Variants in HOXB3 observed in about 807,000 individuals in gnomAD.
HOXB3 encodes homeobox protein Hox-B3.
HOXB3 carries 17 observed loss-of-function variants against 29.2 expected under a neutral mutation model. The observed-to-expected ratio is 0.58, with a 90% confidence interval of 0.40 to 0.87. The LOEUF is 0.87. Among genes scored for constraint, HOXB3 ranks in the 40% least tolerant of loss-of-function variants. HOXB3 has a pLI of 0.00. For synonymous variants in HOXB3, 317 were observed against 285.9 expected (o/e 1.11, Z -1.10); for missense variants, 637 against 616.3 (o/e 1.03, Z -0.35).
At chr17:48,556,358 C>G (rs1410915218) in intron 2 of HOXB3, 1 of 152,182 alleles carries the variant, frequency 6.6e-6, no homozygotes, top group African/African-American at 2.4e-5. Context: ...CCCCTCTGCA[C>G]TCATTCGCAA....
intron 2 of HOXB3, among the ~76,000 whole-genome samples, chr17:48,571,449 G>GA (rs1171569015): frequency 6.6e-6 from 1 of 152,240 alleles, no homozygotes; most frequent in Non-Finnish European, 1.5e-5. Flanking sequence ...GAACTGGGGA[G>GA]AAAGAGGGAA....
chr17:48,583,357 G>A (rs919455842), intron 1 of HOXB3, among the ~76,000 whole-genome samples: 5 of 152,168 alleles, frequency 3.3e-5, no homozygotes, highest in African/African-American at 1.2e-4. Context: ...CACACAAGGA[G>A]GTTCAGGAGC....
intron 1 of HOXB3, among the ~76,000 whole-genome samples, chr17:48,577,240 G>A (rs972305026): frequency 2.6e-5 from 4 of 152,198 alleles, no homozygotes; most frequent in Non-Finnish European, 5.9e-5. Context: ...CCTTGTTTGG[G>A]TGTGTGGTGG....
chr17:48,578,227 G>A, intron 1 of HOXB3: 2 of 1,613,916 alleles, frequency 1.2e-6, no homozygotes, highest in Non-Finnish European at 1.7e-6. Flanking sequence ...GCGAGTGGTC[G>A]CTGGGTAGGT....
intron 1 of HOXB3, among the ~76,000 whole-genome samples, chr17:48,586,255 A>G (rs1047133230): frequency 1.3e-5 from 2 of 152,254 alleles, no homozygotes; most frequent in African/African-American, 4.8e-5. Context: ...GAGAAACGTT[A>G]AAACTTGGGG....
Position 48,550,410 on chromosome 17 carries a change from T to G in HOXB3, c.1220A>C (p.Tyr407Ser). 1 of 1,613,950 alleles carries G rather than the reference T, an allele frequency of 6.2e-7. No individual in the cohort carries two copies. The highest frequency in any genetic ancestry group is 1.1e-5 in the South Asian group (1 of 91,076). ...CGCGTGGTGAGAGGAGAGGTCTGTG[T>G]AGGTGGGGTGGGGTTCGCAGGGTCC... ...HHGPCEPHPTYTDLSSHHAPP... is the reference protein window; with the variant it reads ...HHGPCEPHPTSTDLSSHHAPP... Residue 407 changes from tyrosine (Y) to serine (S), a missense_variant, in exon 5 of 5, where the codon TAC becomes TCC. Physicochemically the swap from Tyr to Ser is moderately radical, Grantham distance 144 (BLOSUM62 -2). Transcript: ENST00000498678.
Position 48,552,560 on chromosome 17 carries a change from T to C in HOXB3, c.-86A>G. Reference sequence around the variant, plus strand: ...GACATTGGCAACCCTGGGGGTCACGTGACACGCCGGACCCCCCCCCCCCAC... The same window carrying C: ...GACATTGGCAACCCTGGGGGTCACGCGACACGCCGGACCCCCCCCCCCCAC... On this transcript the variant is annotated 5_prime_UTR_variant, in exon 4 of 5. Transcript: ENST00000498678. 1 of 943,358 alleles carries C rather than the reference T, an allele frequency of 1.1e-6. No individual in the cohort carries two copies. The highest frequency in any genetic ancestry group is 1.5e-6 in the Non-Finnish European group (1 of 664,532). 58.4% of individuals were successfully genotyped at this position (943,358 alleles called of 1,614,324 possible).
intron 3 of HOXB3, 178 bp downstream of exon 3, chr17:48,555,353 A>AGAGG: frequency 2.0e-6 from 1 of 493,654 alleles, no homozygotes; most frequent in Admixed American, 3.0e-5. Flanking sequence ...AGAGAGAGAG[A>AGAGG]GAGAGAGAGA....
Position 48,550,530 on chromosome 17 carries a change from C to T in HOXB3, c.1100G>A (p.Gly367Asp). ...GYADPLPPPAGPSLYGLNHLS... is the reference protein window; with the variant it reads ...GYADPLPPPADPSLYGLNHLS... ...GTGGTTGAGGCCATAGAGGGAGGGG[C>T]CGGCAGGGGGCGGCAGCGGATCCGC... Residue 367 changes from glycine to aspartate, a missense_variant, in exon 5 of 5, where the codon GGC becomes GAC. Gly to Asp is a moderately conservative substitution (Grantham distance 94). Coordinates refer to ENST00000498678, the MANE Select transcript of HOXB3 (RefSeq NM_001384749.1). 2.6e-6 allele frequency: 4 copies of T among 1,558,142 alleles called. No homozygotes were observed. Among genetic ancestry groups the T allele is most frequent in the Non-Finnish European group, 3.4e-6 (4 of 1,161,180 alleles).
chr17:48,556,252 C>A (rs531975093), intron 2 of HOXB3, among the ~76,000 whole-genome samples: 2 of 152,004 alleles, frequency 1.3e-5, no homozygotes, highest in African/African-American at 2.4e-5. Context: ...ACAGCTCCCC[C>A]CATACCCCAC....
intron 2 of HOXB3, among the ~76,000 whole-genome samples, chr17:48,566,783 C>G (rs2144833121): frequency 6.6e-6 from 1 of 152,268 alleles, no homozygotes; most frequent in South Asian, 2.1e-4. Flanking sequence ...AGACTTTGCC[C>G]TAACTCTGGA....
rs781293701 is a variant in HOXB3, at chr17:48,552,436, A to G, written c.39T>C (p.Ala13=). 6.3e-7 allele frequency: 1 copy of G among 1,595,988 alleles called. No individual in the cohort carries two copies. Among genetic ancestry groups the G allele is most frequent in the Admixed American group, 1.7e-5 (1 of 59,070 alleles). Residue 13 remains alanine, a synonymous_variant, in exon 4 of 5, where the codon GCT becomes GCC. Coordinates refer to ENST00000498678, the MANE Select transcript of HOXB3 (RefSeq NM_001384749.1). ...GGTACGAGGAATAGCCTCCGAAGAG[A>G]GCAGCCGCGGCGTTGTCGTAGTAGG... ...KATYYDNAAA[A]LFGGYSSYPG... is the part of the protein sequence containing the mutation.
intron 2 of HOXB3, among the ~76,000 whole-genome samples, chr17:48,571,720 A>C (rs1008061409): frequency 6.6e-6 from 1 of 152,180 alleles, no homozygotes; most frequent in Admixed American, 6.5e-5. Flanking sequence ...CATCTCCCTG[A>C]GCCCCATATA....
intron 2 of HOXB3, 41 bp from the exon 3 acceptor site, chr17:48,555,659 G>GTCGCCCC: frequency 2.9e-6 from 2 of 699,314 alleles, no homozygotes; most frequent in East Asian, 2.7e-5. Context: ...TTAAAGCTGC[G>GTCGCCCC]TCGCCCCCCG....
At position 48,549,691 on chromosome 17, in the gene HOXB3, C is replaced by G. The variant is rs1660700591; in HGVS notation, c.*643G>C. ...TAGGCAGCTCTTTCAGGATCTCTCA[C>G]CATCCCTGAGCCCTCTAAAAACTGT... On this transcript the variant is annotated 3_prime_UTR_variant, in exon 5 of 5. Coordinates refer to ENST00000498678, the MANE Select transcript of HOXB3 (RefSeq NM_001384749.1). 6.6e-6 allele frequency: 1 copy of G among 152,534 alleles called. No individual in the cohort carries two copies. The highest frequency in any genetic ancestry group is 1.5e-5 in the Non-Finnish European group (1 of 68,078). 9.4% of individuals were successfully genotyped at this position (152,534 alleles called of 1,614,324 possible).
intron 2 of HOXB3, among the ~76,000 whole-genome samples, chr17:48,569,583 G>T (rs1366749682): frequency 6.6e-6 from 1 of 152,044 alleles, no homozygotes; most frequent in Non-Finnish European, 1.5e-5. Context: ...CATCCTTTAG[G>T]ATTAAGGTTC....
At chr17:48,567,985 A>G (rs1050671801) in intron 2 of HOXB3, among the ~76,000 whole-genome samples, 1 of 151,506 alleles carries the variant, frequency 6.6e-6, no homozygotes, top group African/African-American at 2.4e-5. Context: ...ACCTTTGACC[A>G]CCCCCCAGAC....
At position 48,552,549 on chromosome 17, in the gene HOXB3, T is replaced by TG; in HGVS notation, c.-76dup. ...CCTCAGGACCGGACATTGGCAACCC[T>TG]GGGGGTCACGTGACACGCCGGACCC... On this transcript the variant is annotated 5_prime_UTR_variant, in exon 4 of 5. Transcript: ENST00000498678. The TG allele has an allele frequency of 8.9e-7, 1 of 1,118,724 alleles. No individual in the cohort carries two copies. The highest frequency in any genetic ancestry group is 1.2e-6 in the Non-Finnish European group (1 of 805,456). 69.3% of individuals were successfully genotyped at this position (1,118,724 alleles called of 1,614,324 possible). A position where few individuals can be genotyped will look rare whatever the true frequency, so the allele number is the denominator to read the frequency against.
chr17:48,578,488 T>A, intron 1 of HOXB3: 1 of 816,060 alleles, frequency 1.2e-6, no homozygotes. Context: ...TAAGGAAATC[T>A]GCTCACCCGG....
Sources: allele counts gnomAD v4.1 joint callset (sites outside exome capture counted in the v4.1 genomes callset), GRCh38; gene constraint gnomAD v4.1.1; transcripts MANE v1.5; gene names NCBI Gene and HGNC (gene_info 2026-07-23, HGNC 2026-07-21).